Variants in TTC29 observed in about 807,000 individuals in gnomAD.
TTC29 encodes the protein tetratricopeptide repeat domain 29.
Under a neutral mutation model 58.1 loss-of-function variants are expected in TTC29, and 49 were observed. The ratio of observed to expected loss-of-function variants is 0.84; its 90% CI spans 0.67 to 1.07. TTC29 has a LOEUF of 1.07. TTC29 is among the 50% of genes least tolerant of loss of function. TTC29 has a pLI of 0.00. For synonymous variants in TTC29, 209 were observed against 196.8 expected (o/e 1.06, Z -0.52); for missense variants, 582 against 555.6 (o/e 1.05, Z -0.48).
intron 6 of TTC29, among the ~76,000 whole-genome samples, chr4:146,898,612 T>A (rs1275113351): frequency 1.3e-5 from 2 of 152,260 alleles, no homozygotes; most frequent in Non-Finnish European, 2.9e-5. Flanking sequence ...GTTCTTACAA[T>A]GATCTCCCCT....
At chr4:146,787,246 T>C (rs777007578) in intron 11 of TTC29, among the ~76,000 whole-genome samples, 1 of 152,148 alleles carries the variant, frequency 6.6e-6, no homozygotes, top group Non-Finnish European at 1.5e-5. Context: ...ACATTTCCAG[T>C]AGTTTATTTG....
chr4:146,938,901 A>T (rs1736098183), intron 3 of TTC29, among the ~76,000 whole-genome samples: 2 of 152,228 alleles, frequency 1.3e-5, no homozygotes, highest in Admixed American at 1.3e-4. Flanking sequence ...AGAATTACAA[A>T]TGGCAATTTC....
At chr4:146,864,674 C>T (rs938864024) in intron 8 of TTC29, among the ~76,000 whole-genome samples, 3 of 152,270 alleles carry the variant, frequency 2.0e-5, no homozygotes, top group South Asian at 2.1e-4. Context: ...TATCTCCTGG[C>T]GGTTCCAGGG....
chr4:146,816,913 G>A (rs1013738856), intron 10 of TTC29, among the ~76,000 whole-genome samples: 2 of 152,136 alleles, frequency 1.3e-5, no homozygotes, highest in Non-Finnish European at 2.9e-5. Context: ...TAGGAGAATG[G>A]GTTTGAATAC....
chr4:146,818,851 G>A (rs549572525), intron 10 of TTC29, among the ~76,000 whole-genome samples: 4,885 of 151,682 alleles, frequency 0.032, 254 homozygotes, highest in African/African-American at 0.11. Context: ...ACCAAACACC[G>A]CATGTTCTCA....
At chr4:146,940,297 TA>T (rs1736258024) in intron 2 of TTC29, among the ~76,000 whole-genome samples, 1 of 152,242 alleles carries the variant, frequency 6.6e-6, no homozygotes, top group South Asian at 2.1e-4. Context: ...TTACAATCAA[TA>T]ATTGAAAATT....
Position 146,741,605 on chromosome 4 carries a change from G to T in TTC29, c.1331-34054C>A, listed in dbSNP as rs186494857. 4.0e-5 allele frequency among the ~76,000 whole-genome samples: 6 copies of T among 148,688 alleles called. No individual in the cohort carries two copies. The South Asian group carries it at 6.3e-4, about 16-fold the overall frequency. On this transcript the variant is annotated intron_variant, in intron 11 of 12. Coordinates refer to ENST00000325106, the MANE Select transcript of TTC29 (RefSeq NM_031956.4). ...GCAATAACTCTTAACTGGTCTCTTT[G>T]CTTCTGGTCTCTCTTATCTCCAGTT...
chr4:146,904,222 G>C (rs531964637), intron 5 of TTC29, among the ~76,000 whole-genome samples: 4 of 152,162 alleles, frequency 2.6e-5, no homozygotes, highest in Non-Finnish European at 4.4e-5. Context: ...AAAATGTCAC[G>C]GGCCTGATAG....
At chr4:146,794,401 T>C (rs1579688766) in intron 11 of TTC29, among the ~76,000 whole-genome samples, 2 of 152,286 alleles carry the variant, frequency 1.3e-5, no homozygotes, top group Admixed American at 1.3e-4. Flanking sequence ...AGGATGAATG[T>C]GATAGCTTCC....
At chr4:146,721,023 G>A (rs1743317046) in intron 11 of TTC29, among the ~76,000 whole-genome samples, 1 of 152,110 alleles carries the variant, frequency 6.6e-6, no homozygotes, top group African/African-American at 2.4e-5. Context: ...GGCATGGGAA[G>A]TTTAATCTGC....
chr4:146,782,177 CACTT>C (rs1490745278), intron 11 of TTC29, among the ~76,000 whole-genome samples: 1 of 151,740 alleles, frequency 6.6e-6, no homozygotes, highest in African/African-American at 2.4e-5. Context: ...ACACAGAAGA[CACTT>C]AAACTTCTAC....
chr4:146,875,721 T>C (rs1303127622), intron 6 of TTC29, among the ~76,000 whole-genome samples: 11 of 152,312 alleles, frequency 7.2e-5, no homozygotes, highest in African/African-American at 2.6e-4. Flanking sequence ...GAGGTTTTTG[T>C]ATATGCTGTT....
At chr4:146,737,851 C>G (rs570209765) in intron 11 of TTC29, among the ~76,000 whole-genome samples, 1 of 152,122 alleles carries the variant, frequency 6.6e-6, no homozygotes, top group Non-Finnish European at 1.5e-5. Context: ...TCCCTCCCCC[C>G]TGATGCAGTG....
intron 10 of TTC29, among the ~76,000 whole-genome samples, chr4:146,810,521 T>C (rs1328381765): frequency 2.0e-5 from 3 of 152,064 alleles, no homozygotes; most frequent in East Asian, 3.8e-4. Context: ...CAATTCACAT[T>C]GATTTGGATG....
At chr4:146,728,840 T>C (rs867688087) in intron 11 of TTC29, among the ~76,000 whole-genome samples, 8 of 83,412 alleles carry the variant, frequency 9.6e-5, no homozygotes, top group Admixed American at 3.0e-4. Context: ...TATATACACA[T>C]ATATATGTAT....
intron 4 of TTC29, among the ~76,000 whole-genome samples, chr4:146,936,420 A>T (rs909009638): frequency 4.6e-5 from 7 of 152,176 alleles, no homozygotes; most frequent in Non-Finnish European, 1.0e-4. Context: ...ATCAGAATCC[A>T]AATACGGCAT....
At chr4:146,734,963 T>C (rs753928453) in intron 11 of TTC29, among the ~76,000 whole-genome samples, 7 of 152,252 alleles carry the variant, frequency 4.6e-5, no homozygotes, top group African/African-American at 1.2e-4. Context: ...AAAGTTATCA[T>C]TGAAATTTAG....
At chr4:146,918,543 T>A (rs187239873) in intron 4 of TTC29, among the ~76,000 whole-genome samples, 15 of 151,322 alleles carry the variant, frequency 9.9e-5, no homozygotes, top group Non-Finnish European at 3.0e-5. Context: ...TTTTGTGAGA[T>A]CAACAAATGT....
chr4:146,837,982 CA>C (rs1247675962), intron 8 of TTC29, among the ~76,000 whole-genome samples: 1 of 151,816 alleles, frequency 6.6e-6, no homozygotes, highest in Non-Finnish European at 1.5e-5. Flanking sequence ...CCAAAGTTAC[CA>C]AAGTTGGCAA....
Sources: gnomAD v4.1 joint callset for allele counts (sites outside exome capture counted in the v4.1 genomes callset) on GRCh38, gnomAD v4.1.1 for gene constraint, MANE v1.5 for transcripts, NCBI Gene and HGNC (gene_info 2026-07-23, HGNC 2026-07-21) for gene names.